SGCD: variants seen among roughly 807,000 people sequenced by gnomAD.
The protein encoded by SGCD is sarcoglycan delta.
A neutral mutation model predicts 36.6 loss-of-function variants in SGCD; 18 were observed. The observed-to-expected ratio is 0.49, with a 90% CI of 0.34 to 0.73. The LOEUF (loss-of-function observed/expected upper bound fraction) is 0.73, where lower values mean the gene tolerates loss of function less well. SGCD is among the 30% of genes least tolerant of loss of function. The probability of loss-of-function intolerance (pLI) is 0.01; values close to 1 mark genes in which losing one functional copy is unlikely to be tolerated. For synonymous variants in SGCD, 133 were observed against 130.6 expected (o/e 1.02, Z -0.12); for missense variants, 387 against 346.7 (o/e 1.12, Z -0.92).
chr5:156,128,832 G>A (rs982137929), intron 3 of SGCD, among the ~76,000 whole-genome samples: 4 of 152,124 alleles, frequency 2.6e-5, no homozygotes, highest in Non-Finnish European at 5.9e-5. Flanking sequence ...GTCTCAGGTA[G>A]TTCTTTATAG....
intron 4 of SGCD, among the ~76,000 whole-genome samples, chr5:156,568,825 C>T (rs1759600862): frequency 6.6e-6 from 1 of 152,216 alleles, no homozygotes; most frequent in African/African-American, 2.4e-5. Flanking sequence ...TTCAGTTTCT[C>T]ACAGTTCATT....
intron 7 of SGCD, among the ~76,000 whole-genome samples, chr5:156,649,890 C>G (rs1209374324): frequency 4.6e-5 from 7 of 151,982 alleles, no homozygotes; most frequent in Admixed American, 6.6e-5. Flanking sequence ...AAGCAGGACT[C>G]TAAATACAGT....
Position 156,266,675 on chromosome 5 carries a change from G to T in SGCD, c.-43-62859G>T, listed in dbSNP as rs1383972389. 2.6e-5 allele frequency among the ~76,000 whole-genome samples: 4 copies of T among 151,916 alleles called. No individual in the cohort carries two copies. In the East Asian group the frequency reaches 7.8e-4, roughly 29 times the overall value. On this transcript the variant is annotated intron_variant, in intron 3 of 9. Coordinates refer to the SGCD transcript ENST00000517913. The stretch of plus-strand genomic sequence containing the variant: ...TGTTTAAATATTTTGTAGAGAAGGG[G>T]CTATGTTTCCCAGGCTGGTCTCAAA...
chr5:156,055,170 G>T (rs1232065533), intron 1 of SGCD, among the ~76,000 whole-genome samples: 2 of 145,184 alleles, frequency 1.4e-5, no homozygotes, highest in Admixed American at 6.9e-5. Context: ...CCCCATAGAA[G>T]AATTCAGCCC....
At chr5:156,415,867 G>C (rs893348693) in intron 3 of SGCD, among the ~76,000 whole-genome samples, 1 of 152,176 alleles carries the variant, frequency 6.6e-6, no homozygotes, top group Non-Finnish European at 1.5e-5. Context: ...TTAGGGGAAA[G>C]TCGCTTTAAA....
At chr5:156,641,096 G>T (rs762984898) in intron 6 of SGCD, among the ~76,000 whole-genome samples, 1 of 152,092 alleles carries the variant, frequency 6.6e-6, no homozygotes, top group South Asian at 2.1e-4. Flanking sequence ...TCCTTAAAAA[G>T]AATTTTTCAC....
intron 1 of SGCD, among the ~76,000 whole-genome samples, chr5:155,928,004 C>T (rs1165008085): frequency 6.6e-6 from 1 of 152,168 alleles, no homozygotes; most frequent in East Asian, 1.9e-4. Flanking sequence ...AAGGCGTGCT[C>T]ATGGGAAAAC....
intron 3 of SGCD, among the ~76,000 whole-genome samples, chr5:156,415,867 G>A (rs893348693): frequency 6.6e-6 from 1 of 152,176 alleles, no homozygotes; most frequent in Non-Finnish European, 1.5e-5. Flanking sequence ...TTAGGGGAAA[G>A]TCGCTTTAAA....
At chr5:155,820,101 T>C in the SGCD span, among the ~76,000 whole-genome samples, 1 of 152,284 alleles carries the variant, frequency 6.6e-6, no homozygotes, top group East Asian at 1.9e-4. Flanking sequence ...GGAAAACCAG[T>C]TGGGTTTTCT....
At chr5:156,189,804 C>A (rs1015590328) in intron 3 of SGCD, among the ~76,000 whole-genome samples, 1 of 152,138 alleles carries the variant, frequency 6.6e-6, no homozygotes, top group Non-Finnish European at 1.5e-5. Flanking sequence ...ATTAAAGCGC[C>A]TTGTGACAGG....
At chr5:156,643,813 T>C (rs1763129872) in intron 6 of SGCD, among the ~76,000 whole-genome samples, 3 of 152,176 alleles carry the variant, frequency 2.0e-5, no homozygotes, top group Non-Finnish European at 1.5e-5. Flanking sequence ...ATATCATTGT[T>C]ATTAAAGTTA....
intron 7 of SGCD, among the ~76,000 whole-genome samples, chr5:156,690,004 G>A (rs1754050787): frequency 6.6e-6 from 1 of 152,162 alleles, no homozygotes; most frequent in African/African-American, 2.4e-5. Flanking sequence ...TTTAGTGTAT[G>A]AAATGGCTAT....
the SGCD span, among the ~76,000 whole-genome samples, chr5:155,833,315 AT>A: frequency 2.0e-5 from 3 of 152,216 alleles, no homozygotes; most frequent in Non-Finnish European, 4.4e-5. Flanking sequence ...TAGACAAAAC[AT>A]TTTATATTTG....
chr5:155,891,416 G>A (rs1471175759), intron 1 of SGCD, among the ~76,000 whole-genome samples: 2 of 151,928 alleles, frequency 1.3e-5, no homozygotes, highest in Non-Finnish European at 2.9e-5. Flanking sequence ...AAGAAGTTGG[G>A]CTTATTAAGC....
At chr5:156,238,804 G>A (rs574033556) in intron 3 of SGCD, among the ~76,000 whole-genome samples, 1 of 152,070 alleles carries the variant, frequency 6.6e-6, no homozygotes, top group Non-Finnish European at 1.5e-5. Context: ...ATGATCCCCA[G>A]GCATTAGTGT....
chr5:156,683,403 G>T (rs952022828), intron 7 of SGCD, among the ~76,000 whole-genome samples: 1 of 152,102 alleles, frequency 6.6e-6, no homozygotes, highest in Admixed American at 6.5e-5. Flanking sequence ...ACACAGTGCC[G>T]AATGCATGGA....
intron 7 of SGCD, among the ~76,000 whole-genome samples, chr5:156,721,270 C>G (rs1274000005): frequency 6.6e-6 from 1 of 151,912 alleles, no homozygotes; most frequent in Non-Finnish European, 1.5e-5. Context: ...GTAACCAGGC[C>G]AGGATACTGG....
chr5:156,559,168 T>C (rs1035262632), intron 4 of SGCD, among the ~76,000 whole-genome samples: 2 of 152,282 alleles, frequency 1.3e-5, no homozygotes, highest in South Asian at 4.2e-4. Context: ...GTGGTTGATA[T>C]GGGTTTCAGC....
the SGCD span, among the ~76,000 whole-genome samples, chr5:155,858,912 T>C: frequency 6.8e-6 from 1 of 147,742 alleles, no homozygotes; most frequent in African/African-American, 2.5e-5. Context: ...CTTTGAGAAT[T>C]GAATGTGTTA....
Sources: allele counts gnomAD v4.1 joint callset (sites outside exome capture counted in the v4.1 genomes callset), GRCh38; gene constraint gnomAD v4.1.1; transcripts MANE v1.5; gene names NCBI Gene and HGNC (gene_info 2026-07-23, HGNC 2026-07-21).